Variants in STC1 observed in about 807,000 individuals in gnomAD.
STC1 encodes the protein stanniocalcin 1, also known as stanniocalcin-1.
In STC1, 7 loss-of-function variants were observed where a neutral mutation model predicts 22.6. The ratio of observed to expected loss-of-function variants is 0.31; its 90% confidence interval spans 0.18 to 0.58. The LOEUF is 0.58. Among genes scored for constraint, STC1 ranks in the 20% least tolerant of loss-of-function variants. STC1 has a pLI of 0.89. For missense variants in STC1, 224 were observed against 311.0 expected, an observed-to-expected ratio of 0.72 and a Z score of 2.10; for synonymous variants, 113 against 120.7, an observed-to-expected ratio of 0.94 and a Z score of 0.42.
At chr8:23,846,635 T>C (rs1244392162) in intron 3 of STC1, among the ~76,000 whole-genome samples, 1 of 152,190 alleles carries the variant, frequency 6.6e-6, no homozygotes, top group Non-Finnish European at 1.5e-5. Context: ...ATGGTCACCC[T>C]TCTGTGGCAC....
intron 1 of STC1, chr8:23,853,981 G>C: frequency 1.0e-6 from 1 of 988,638 alleles, no homozygotes; most frequent in Non-Finnish European, 1.2e-6. Context: ...GAGAAGTCAA[G>C]AAGTGAAGAG....
In STC1 at chr8:23,854,679, G is replaced by T. The variant is rs1016829921; in HGVS notation, c.-156C>A. On this transcript the variant is annotated 5_prime_UTR_variant, in exon 1 of 4. Transcript: ENST00000290271. ...ATTTTTTTTTGTTGTTGTTGCTGGT[G>T]ATGCTGCTGCTGCCACCGGTGCCTC... The T allele has an allele frequency of 1.6e-5, 12 of 770,938 alleles. No homozygotes were observed. The highest frequency in any genetic ancestry group is 2.5e-5 in the Non-Finnish European group (11 of 433,446). The allele number at this position is 770,938 out of a possible 1,614,324, so 47.8% of individuals were successfully genotyped here. A position where few individuals can be genotyped will look rare whatever the true frequency, so the allele number is the denominator to read the frequency against.
intron 3 of STC1, among the ~76,000 whole-genome samples, chr8:23,848,507 G>T (rs942451261): frequency 3.6e-5 from 5 of 137,470 alleles, no homozygotes; most frequent in Non-Finnish European, 6.1e-5. Context: ...ACTCCAGCCT[G>T]GGCAACAGAG....
chr8:23,850,492 T>C (rs765134619), intron 3 of STC1, among the ~76,000 whole-genome samples: 1 of 152,206 alleles, frequency 6.6e-6, no homozygotes, highest in South Asian at 2.1e-4. Context: ...TGGCATCTCT[T>C]AGTTCTTGCT....
At chr8:23,852,720 AAG>A (rs552323399) in intron 1 of STC1, among the ~76,000 whole-genome samples, 76 of 152,168 alleles carry the variant, frequency 5.0e-4, no homozygotes, top group Non-Finnish European at 9.1e-4. Context: ...CATAGAATCA[AAG>A]GTCATTGCTT....
intron 1 of STC1, 21 bp from the exon 2 acceptor site, chr8:23,852,405 C>A: frequency 6.4e-7 from 1 of 1,571,084 alleles, no homozygotes; most frequent in South Asian, 1.2e-5. Flanking sequence ...CAAATCCATC[C>A]ATTCTGGGTC....
intron 3 of STC1, among the ~76,000 whole-genome samples, chr8:23,849,640 C>T (rs1317792639): frequency 3.9e-5 from 6 of 152,142 alleles, no homozygotes; most frequent in African/African-American, 1.4e-4. Flanking sequence ...ATGGAAGATG[C>T]TACTTCAGAT....
chr8:23,853,035 A>AAAAGAAAGAAAGAAAGAAAGAAAG (rs34552249), intron 1 of STC1, among the ~76,000 whole-genome samples: 36 of 150,824 alleles, frequency 2.4e-4, no homozygotes, highest in African/African-American at 7.1e-4. Context: ...AGCCTTTTAA[A>AAAAGAAAGAAAGAAAGAAAGAAAG]AAAGAAAGAA....
rs958099208 is a variant in STC1, at chr8:23,850,266, G to A, written c.473+1054C>T. Among the ~76,000 whole-genome samples, 4 of 152,308 alleles carry A rather than the reference G, an allele frequency of 2.6e-5. No individual in the cohort carries two copies. The East Asian group carries it at 7.7e-4, about 29-fold the overall frequency. On this transcript the variant is annotated intron_variant, in intron 3 of 3. Transcript: ENST00000290271. Reference sequence around the variant, plus strand: ...GTCTTAAGAAGGGTGGTGGCACCTGGCTAGGAAATTAATCAGATAAGCCTG... The same window carrying A: ...GTCTTAAGAAGGGTGGTGGCACCTGACTAGGAAATTAATCAGATAAGCCTG...
At chr8:23,852,116 G>A (rs913352797) in intron 2 of STC1, 126 bp downstream of exon 2, 4 of 1,101,130 alleles carry the variant, frequency 3.6e-6, no homozygotes, top group East Asian at 2.4e-5. Flanking sequence ...ATGCTGAGAT[G>A]GGAATTTAGA....
intron 3 of STC1, among the ~76,000 whole-genome samples, chr8:23,847,108 C>A (rs1367535703): frequency 1.3e-5 from 2 of 152,098 alleles, no homozygotes; most frequent in Non-Finnish European, 2.9e-5. Context: ...CAGATGAGTC[C>A]CCAGATAGGC....
At position 23,841,945 on chromosome 8, in the gene STC1, A is replaced by T. The variant is rs1802516350; in HGVS notation, c.*2825T>A. 1 of 152,612 alleles carries T rather than the reference A, an allele frequency of 6.6e-6. No homozygotes were observed. Among genetic ancestry groups the T allele is most frequent in the Admixed American group, 6.5e-5 (1 of 15,278 alleles). 9.5% of individuals were successfully genotyped at this position (152,612 alleles called of 1,614,324 possible). A position where few individuals can be genotyped will look rare whatever the true frequency, so the allele number is the denominator to read the frequency against. On this transcript the variant is annotated 3_prime_UTR_variant, in exon 4 of 4. Transcript: ENST00000290271. ...GGAAACCAATAAAACGTAACACTTTATTATTATTTTTATCTTAGAAGGAAT... is the reference window on the plus strand; with the variant it reads ...GGAAACCAATAAAACGTAACACTTTTTTATTATTTTTATCTTAGAAGGAAT...
intron 3 of STC1, among the ~76,000 whole-genome samples, chr8:23,846,441 CT>C (rs1351209931): frequency 6.6e-6 from 1 of 152,164 alleles, no homozygotes; most frequent in Non-Finnish European, 1.5e-5. Flanking sequence ...ATGGAGAGAA[CT>C]TTTTCTCAGA....
rs1238684572 is a variant in STC1 at position 23,844,113 on chromosome 8, G to C, written c.*657C>G. 1 of 153,788 alleles carries C rather than the reference G, an allele frequency of 6.5e-6. No homozygotes were observed. The highest frequency in any genetic ancestry group is 2.4e-5 in the African/African-American group (1 of 41,458). 9.5% of individuals were successfully genotyped at this position (153,788 alleles called of 1,614,324 possible). A position where few individuals can be genotyped will look rare whatever the true frequency, so the allele number is the denominator to read the frequency against. ...ACTTTTAAAGCTCTGAGCAGTTACA[G>C]TACGTAAAGATGTTAGCTTTTTGTT... On this transcript the variant is annotated 3_prime_UTR_variant, in exon 4 of 4. Coordinates refer to ENST00000290271, the MANE Select transcript of STC1 (RefSeq NM_003155.3).
chr8:23,854,542 T>C lies in STC1; in HGVS notation c.-19A>G, dbSNP rs1563344229. 2 of 1,595,362 alleles carry C rather than the reference T, an allele frequency of 1.3e-6. No individual in the cohort carries two copies. Among genetic ancestry groups the C allele is most frequent in the East Asian group, 2.2e-5 (1 of 44,808 alleles). On this transcript the variant is annotated 5_prime_UTR_variant, in exon 1 of 4. Coordinates refer to ENST00000290271, the MANE Select transcript of STC1 (RefSeq NM_003155.3). ...GGAGCATTCTCTGAGAAGTTTCCGC[T>C]AAGTTGTTGGGTTTTTTTTTTTTCC...
At chr8:23,849,339 T>C (rs923828767) in intron 3 of STC1, among the ~76,000 whole-genome samples, 1 of 152,178 alleles carries the variant, frequency 6.6e-6, no homozygotes, top group Admixed American at 6.5e-5. Context: ...GCAGGAATAA[T>C]ATAGCCTGTT....
chr8:23,852,566 G>T lies in STC1; in HGVS notation c.119-182C>A, dbSNP rs77724796. Among the ~76,000 whole-genome samples, 1,471 of 152,242 alleles carry T rather than the reference G, an allele frequency of 9.7e-3. 23 individuals carry two copies. The highest frequency in any genetic ancestry group is 0.033 in the African/African-American group (1,378 of 41,526). ...AAGAGAGGATAGACAGGCTCCTTTT[G>T]TTTATGATTGCTGGAGTACATGATG... On this transcript the variant is annotated intron_variant, in intron 1 of 3. Transcript: ENST00000290271.
At position 23,852,474 on chromosome 8, in the gene STC1, T is replaced by A. The variant is rs146473005; in HGVS notation, c.119-90A>T. The A allele has an allele frequency of 9.4e-4, 1,314 of 1,402,184 alleles. 22 individuals are homozygous for A. In the East Asian group the frequency reaches 0.028, roughly 30 times the overall value. The allele number at this position is 1,402,184 out of a possible 1,614,324, so 86.9% of individuals were successfully genotyped here. ...GGTGCAGAGGTGAATTTCAAGGACA[T>A]GAGGTCAGAAGAACTTATCCTAGGA... is the stretch of plus-strand genomic sequence containing the variant. On this transcript the variant is annotated intron_variant, in intron 1 of 3. Transcript: ENST00000290271.
intron 2 of STC1, among the ~76,000 whole-genome samples, chr8:23,851,810 C>T (rs573269030): frequency 4.6e-5 from 7 of 152,188 alleles, no homozygotes; most frequent in East Asian, 1.9e-4. Flanking sequence ...TAAAAATAGT[C>T]GTAATCTGAC....
Sources: allele counts gnomAD v4.1 joint callset (sites outside exome capture counted in the v4.1 genomes callset), GRCh38; gene constraint gnomAD v4.1.1; transcripts MANE v1.5; gene names NCBI Gene and HGNC (gene_info 2026-07-23, HGNC 2026-07-21).